The following DENND5A variants were observed in gnomAD, a reference collection of about 807,000 sequenced individuals.
DENND5A encodes DENN domain-containing protein 5A.
A neutral mutation model predicts 140.3 loss-of-function variants in DENND5A; 64 were observed. That is an observed-to-expected ratio of 0.46 (90% CI 0.37 to 0.56). DENND5A has a LOEUF of 0.56. DENND5A is among the 20% of genes least tolerant of loss of function. The probability of loss-of-function intolerance (pLI) is 0.00; values close to 1 mark genes in which losing one functional copy is unlikely to be tolerated. For synonymous variants in DENND5A, 605 were observed against 607.7 expected, an observed-to-expected ratio of 1.00 and a Z score of 0.07; for missense variants, 1,292 against 1,593.8, an observed-to-expected ratio of 0.81 and a Z score of 3.22.
intron 13 of DENND5A, 86 bp downstream of exon 13, chr11:9,152,272 G>A (rs918172614): frequency 2.0e-6 from 2 of 999,822 alleles, no homozygotes; most frequent in African/African-American, 3.2e-5. Flanking sequence ...TCTTCGACCT[G>A]GAATAGTTTG....
intron 5 of DENND5A, among the ~76,000 whole-genome samples, chr11:9,191,636 G>T (rs1253413664): frequency 1.3e-5 from 2 of 152,170 alleles, no homozygotes; most frequent in Non-Finnish European, 2.9e-5. Flanking sequence ...CCGTATACAT[G>T]AAGCACATAG....
intron 4 of DENND5A, among the ~76,000 whole-genome samples, chr11:9,199,671 C>A (rs1383825664): frequency 1.3e-5 from 2 of 152,190 alleles, no homozygotes. Flanking sequence ...GTTACACTTT[C>A]AGAATCTTAC....
intron 8 of DENND5A, among the ~76,000 whole-genome samples, chr11:9,172,460 T>C (rs1413401388): frequency 6.6e-6 from 1 of 152,170 alleles, no homozygotes; most frequent in Non-Finnish European, 1.5e-5. Context: ...CGCACCCAAA[T>C]CTCAACTTGA....
intron 1 of DENND5A, among the ~76,000 whole-genome samples, chr11:9,234,714 G>A (rs1411546695): frequency 6.6e-6 from 1 of 152,244 alleles, no homozygotes; most frequent in East Asian, 1.9e-4. Flanking sequence ...AATAGCATGA[G>A]CGATCTGTGC....
chr11:9,143,508 C>T (rs1847318380), intron 19 of DENND5A, 23 bp from the exon 20 acceptor site: 1 of 1,592,074 alleles, frequency 6.3e-7, no homozygotes, highest in South Asian at 1.1e-5. Flanking sequence ...AAGCAGACAT[C>T]CCTAACCAAT....
rs183507673 is a variant in DENND5A, at chr11:9,150,887, T to C, written c.2522-123A>G. 1.0e-3 allele frequency: 516 copies of C among 493,094 alleles called. 2 individuals are homozygous for C. Among genetic ancestry groups the C allele is most frequent in the Non-Finnish European group, 8.3e-5 (23 of 276,640 alleles). The allele number at this position is 493,094 out of a possible 1,614,324, so 30.5% of individuals were successfully genotyped here. On this transcript the variant is annotated intron_variant, in intron 13 of 22. Transcript: ENST00000328194. ...GGTGGTTACACTGGTAACACTTTAA[T>C]TGATTGTTTCATAAATATTTATGAA... is the stretch of plus-strand genomic sequence containing the variant.
intron 1 of DENND5A, among the ~76,000 whole-genome samples, chr11:9,252,400 G>A (rs1327304422): frequency 6.6e-6 from 1 of 151,844 alleles, no homozygotes; most frequent in African/African-American, 2.4e-5. Flanking sequence ...TGTAATCCCA[G>A]CACTTTAGGA....
chr11:9,178,495 T>C (rs1848619272), intron 7 of DENND5A, 129 bp from the exon 8 acceptor site: 2 of 614,620 alleles, frequency 3.3e-6, no homozygotes, highest in African/African-American at 1.9e-5. Context: ...GCAAAATCTC[T>C]ACATTAAAAA....
In DENND5A at chr11:9,206,549, T is replaced by C. The variant is rs1231574993; in HGVS notation, c.291+124A>G. On this transcript the variant is annotated intron_variant, in intron 3 of 22. Transcript: ENST00000328194. ...AATGCAGAATAATAAACAATATGCATTATAATCCTTTCTTCAAAAGTTATT... is the reference window on the plus strand; with the variant it reads ...AATGCAGAATAATAAACAATATGCACTATAATCCTTTCTTCAAAAGTTATT... 5 of 729,358 alleles carry C rather than the reference T, an allele frequency of 6.9e-6. No individual in the cohort carries two copies. In the East Asian group the frequency reaches 1.3e-4, roughly 19 times the overall value. 45.2% of individuals were successfully genotyped at this position (729,358 alleles called of 1,614,324 possible).
At chr11:9,148,535 A>T (rs2136120367) in intron 15 of DENND5A, among the ~76,000 whole-genome samples, 1 of 152,334 alleles carries the variant, frequency 6.6e-6, no homozygotes, top group South Asian at 2.1e-4. Flanking sequence ...AAGTCTGTGC[A>T]GTAAAAATGG....
chr11:9,180,810 C>A lies in DENND5A; in HGVS notation c.1412G>T (p.Arg471Leu), dbSNP rs200439974. ...ELLKENETIA[R>L]LQALVKRTGV... ...AGTTCTCTTGACCAAGGCTTGCAGC[C>A]GGGCAATAGTTTCATTCTCCTTAAG... Residue 471 changes from arginine to leucine, a missense_variant, in exon 6 of 23, where the codon CGG (arginine) becomes CTG (leucine). Arg to Leu is a moderately radical substitution (Grantham distance 102, BLOSUM62 -2). This residue lies in a region of DENND5A where 566 missense variants were observed against 650.4 expected (regional missense o/e 0.87). Transcript: ENST00000328194. The A allele has an allele frequency of 1.2e-6, 2 of 1,614,160 alleles. No homozygotes were observed. Among genetic ancestry groups the A allele is most frequent in the East Asian group, 2.2e-5 (1 of 44,878 alleles).
intron 3 of DENND5A, among the ~76,000 whole-genome samples, chr11:9,204,777 C>T (rs1849641077): frequency 6.6e-6 from 1 of 152,198 alleles, no homozygotes; most frequent in African/African-American, 2.4e-5. Context: ...GCATAAGAAT[C>T]ACTTGACTCA....
Position 9,145,041 on chromosome 11 carries a change from C to G in DENND5A, c.3076G>C (p.Val1026Leu), listed in dbSNP as rs1434815727. Reference protein sequence around the residue: ...DNSGLYAKWLVEYVMVRNEIT... With the variant: ...DNSGLYAKWLLEYVMVRNEIT... Reference sequence around the variant, plus strand: ...TCATTCCTGACCATCACATACTCCACCAGCCATTTGGCATACAGCCCAGAG... The same window carrying G: ...TCATTCCTGACCATCACATACTCCAGCAGCCATTTGGCATACAGCCCAGAG... The change falls in exon 18 of 23, where the codon GTG (valine) becomes CTG (leucine). Residue 1026 changes from valine (V) to leucine (L), a missense_variant. By Grantham distance (32) the Val-to-Leu change is conservative (BLOSUM62 1). Around this residue, in one of 4 missense-constraint regions of DENND5A, gnomAD observed 498 missense variants for 689.7 expected, o/e 0.72. Transcript: ENST00000328194. 6.2e-7 allele frequency: 1 copy of G among 1,614,168 alleles called. No homozygotes were observed. The highest frequency in any genetic ancestry group is 8.5e-7 in the Non-Finnish European group (1 of 1,180,002).
In DENND5A at chr11:9,140,150, C is replaced by T. The variant is rs562234485; in HGVS notation, c.3681-296G>A. On this transcript the variant is annotated intron_variant, in intron 22 of 22. Transcript: ENST00000328194. ...GGTGTCTCCCAGAGCTTCTCTCCTC[C>T]CACAGCTACCACCACCAGGAATAAT... 7.0e-6 allele frequency: 10 copies of T among 1,419,916 alleles called. No individual in the cohort carries two copies. In the South Asian group the frequency reaches 1.2e-4, roughly 17 times the overall value. 88.0% of individuals were successfully genotyped at this position (1,419,916 alleles called of 1,614,324 possible).
intron 12 of DENND5A, among the ~76,000 whole-genome samples, chr11:9,158,823 T>A (rs906829325): frequency 7.2e-5 from 11 of 152,192 alleles, no homozygotes; most frequent in African/African-American, 2.2e-4. Context: ...TTGGATTTTT[T>A]AAAAAACCAC....
At chr11:9,150,839 A>G (rs1357292036) in intron 13 of DENND5A, 75 bp from the exon 14 acceptor site, 1 of 858,572 alleles carries the variant, frequency 1.2e-6, no homozygotes, top group Non-Finnish European at 1.9e-6. Flanking sequence ...CTTACCTTAA[A>G]TCACAAATTG....
chr11:9,140,108 T>A, intron 22 of DENND5A: 1 of 1,395,606 alleles, frequency 7.2e-7, no homozygotes, highest in Non-Finnish European at 9.6e-7. Context: ...TCGCCCTGCC[T>A]AGTCAGCCCC....
intron 4 of DENND5A, among the ~76,000 whole-genome samples, chr11:9,200,362 G>C (rs1849482015): frequency 1.3e-5 from 2 of 152,160 alleles, no homozygotes; most frequent in Non-Finnish European, 2.9e-5. Context: ...AATATGATTT[G>C]TCCAAGTCTA....
At chr11:9,259,874 C>T (rs1236099845) in intron 1 of DENND5A, among the ~76,000 whole-genome samples, 3 of 151,798 alleles carry the variant, frequency 2.0e-5, no homozygotes, top group African/African-American at 7.3e-5. Context: ...ACTAAAAATA[C>T]AAGAATTAGC....
Sources: gnomAD v4.1 joint callset for allele counts (sites outside exome capture counted in the v4.1 genomes callset) on GRCh38, gnomAD v4.1.1 for gene constraint, gnomAD v4.1.1 regional missense constraint, MANE v1.5 for transcripts, NCBI Gene and HGNC (gene_info 2026-07-23, HGNC 2026-07-21) for gene names.